Variants in WWOX observed in about 807,000 individuals in gnomAD.
The protein encoded by WWOX is WW domain containing oxidoreductase.
In WWOX, 69 loss-of-function variants were observed where a neutral mutation model predicts 46.2. The observed-to-expected ratio is 1.49, with a 90% confidence interval of 1.23 to 1.82. WWOX has a LOEUF of 1.82. Ranked by LOEUF, WWOX falls within the 40% of genes most tolerant of loss-of-function variation. WWOX has a pLI of 0.00. For missense variants in WWOX, 919 were observed against 542.6 expected (o/e 1.69, Z -6.89); for synonymous variants, 359 against 202.6 (o/e 1.77, Z -6.56).
chr16:78,309,550 G>A (rs1255816755), intron 5 of WWOX, among the ~76,000 whole-genome samples: 1 of 152,120 alleles, frequency 6.6e-6, no homozygotes, highest in African/African-American at 2.4e-5. Context: ...ATAGAAGTGT[G>A]CCTGTAACTT....
At chr16:78,628,609 T>A (rs1172889281) in intron 8 of WWOX, among the ~76,000 whole-genome samples, 2 of 151,842 alleles carry the variant, frequency 1.3e-5, no homozygotes, top group Non-Finnish European at 2.9e-5. Context: ...TGTTGATGGA[T>A]TTATTCCAGC....
intron 8 of WWOX, among the ~76,000 whole-genome samples, chr16:79,151,371 G>A (rs1462928643): frequency 2.6e-5 from 4 of 152,172 alleles, no homozygotes; most frequent in South Asian, 2.1e-4. Flanking sequence ...CCCCAAATCC[G>A]TAGGCTCTTA....
intron 8 of WWOX, among the ~76,000 whole-genome samples, chr16:78,960,156 C>G (rs79337373): frequency 0.037 from 5,671 of 152,192 alleles, 363 homozygotes; most frequent in African/African-American, 0.13. Flanking sequence ...GGAAGAACAG[C>G]TAATTCCAGA....
intron 8 of WWOX, among the ~76,000 whole-genome samples, chr16:78,831,247 T>G (rs68020681): frequency 0.1 from 15,883 of 152,182 alleles, 843 homozygotes; most frequent in South Asian, 0.14. Flanking sequence ...TTTCCCCCTT[T>G]ATAAGCTGTG....
chr16:78,893,913 T>C (rs2044644645), intron 8 of WWOX, among the ~76,000 whole-genome samples: 1 of 152,140 alleles, frequency 6.6e-6, no homozygotes, highest in African/African-American at 2.4e-5. Flanking sequence ...TGATATGCAA[T>C]ATTTTCCTTG....
intron 5 of WWOX, among the ~76,000 whole-genome samples, chr16:78,199,140 C>T (rs910243408): frequency 6.6e-6 from 1 of 152,072 alleles, no homozygotes; most frequent in South Asian, 2.1e-4. Context: ...GGTGAAACCC[C>T]GTTTCTACTA....
At position 78,319,820 on chromosome 16, in the gene WWOX, C is replaced by T. The variant is rs372116483; in HGVS notation, c.517-67040C>T. The stretch of plus-strand genomic sequence containing the variant: ...CACCCTCCGCCCTTAGCCTTTCTTT[C>T]AGCCTGTGAGGAAGCAAAACTTTTA... On this transcript the variant is annotated intron_variant, in intron 5 of 8. Transcript: ENST00000566780. 4.6e-5 allele frequency among the ~76,000 whole-genome samples: 7 copies of T among 152,300 alleles called. No homozygotes were observed. In the South Asian group the frequency reaches 8.3e-4, roughly 18 times the overall value.
chr16:78,792,548 C>G (rs1567562920), intron 8 of WWOX, among the ~76,000 whole-genome samples: 1 of 152,084 alleles, frequency 6.6e-6, no homozygotes, highest in Non-Finnish European at 1.5e-5. Context: ...TTCGTAAAAA[C>G]TTAGGGCCAT....
chr16:78,908,742 G>A lies in WWOX; in HGVS notation c.1057-302866G>A, dbSNP rs112014749. ...GGAGTTGAAGCTGGCCTCTTGCACT[G>A]AGTCAGTTCCTGGGTGGGAGCCACA... On this transcript the variant is annotated intron_variant, in intron 8 of 8. Transcript: ENST00000566780. 2.0e-3 allele frequency among the ~76,000 whole-genome samples: 312 copies of A among 152,256 alleles called. 2 individuals carry two copies. Among genetic ancestry groups the A allele is most frequent in the African/African-American group, 7.0e-3 (292 of 41,542 alleles).
At chr16:79,044,623 G>A (rs2048032782) in intron 8 of WWOX, among the ~76,000 whole-genome samples, 1 of 152,158 alleles carries the variant, frequency 6.6e-6, no homozygotes, top group Admixed American at 6.5e-5. Context: ...TACAGCCTGT[G>A]GAACTATGAG....
rs1245889719 is a variant in WWOX at position 78,740,978 on chromosome 16, C to G, written c.1056+308226C>G. ...GAGAACTGTGCAAATACAAGCCCTT[C>G]TCTTACAGGCCATGGGTCTCCTAAG... is the stretch of plus-strand genomic sequence containing the variant. On this transcript the variant is annotated intron_variant, in intron 8 of 8. Coordinates refer to ENST00000566780, the MANE Select transcript of WWOX (RefSeq NM_016373.4). 9.2e-5 allele frequency among the ~76,000 whole-genome samples: 14 copies of G among 152,278 alleles called. No individual in the cohort carries two copies. In the East Asian group the frequency reaches 2.5e-3, roughly 27 times the overall value.
chr16:78,572,827 G>A (rs1363465694), intron 8 of WWOX, among the ~76,000 whole-genome samples: 2 of 152,008 alleles, frequency 1.3e-5, no homozygotes, highest in Non-Finnish European at 2.9e-5. Flanking sequence ...CATGGCGAGA[G>A]ATACACAGGG....
chr16:78,958,531 T>A (rs369201276), intron 8 of WWOX, among the ~76,000 whole-genome samples: 1 of 152,230 alleles, frequency 6.6e-6, no homozygotes, highest in Admixed American at 6.5e-5. Flanking sequence ...TTTTGCCAAT[T>A]TGGGAAGTTA....
chr16:78,468,578 G>A (rs541872820), intron 8 of WWOX, among the ~76,000 whole-genome samples: 1 of 152,090 alleles, frequency 6.6e-6, no homozygotes, highest in Non-Finnish European at 1.5e-5. Flanking sequence ...TAGTTACAGG[G>A]AGTGCTAGGG....
Position 78,464,979 on chromosome 16 carries a change from A to C in WWOX, c.1056+32227A>C, listed in dbSNP as rs552563613. On this transcript the variant is annotated intron_variant, in intron 8 of 8. Transcript: ENST00000566780. ...GCCTCAAAATTATGGCAGAAGGCAA[A>C]GGAGGAGCAAAGGCACATCTTACAT... is the stretch of plus-strand genomic sequence containing the variant. 2.0e-5 allele frequency among the ~76,000 whole-genome samples: 3 copies of C among 152,324 alleles called. No individual in the cohort carries two copies. In the South Asian group the frequency reaches 6.2e-4, roughly 32 times the overall value.
At chr16:78,429,217 G>A (rs1302239103) in intron 7 of WWOX, among the ~76,000 whole-genome samples, 18 of 152,286 alleles carry the variant, frequency 1.2e-4, no homozygotes, top group Non-Finnish European at 4.4e-5. Flanking sequence ...GATGACAGAG[G>A]AGCAATGTAC....
chr16:78,740,291 G>A (rs114826392), intron 8 of WWOX, among the ~76,000 whole-genome samples: 1,672 of 152,294 alleles, frequency 0.011, 35 homozygotes, highest in African/African-American at 0.038. Context: ...ACTGTCCTCT[G>A]TGCTTCTAAG....
intron 8 of WWOX, among the ~76,000 whole-genome samples, chr16:78,683,411 G>A (rs2047777133): frequency 6.6e-6 from 1 of 151,798 alleles, no homozygotes; most frequent in Non-Finnish European, 1.5e-5. Context: ...GTGGTGGTGT[G>A]TGCCTGTAAT....
intron 8 of WWOX, among the ~76,000 whole-genome samples, chr16:78,773,746 C>T (rs1199616995): frequency 1.3e-5 from 2 of 152,130 alleles, no homozygotes; most frequent in Non-Finnish European, 1.5e-5. Context: ...GGAAGGTGGG[C>T]AGGAGGCGAC....
Sources: allele counts gnomAD v4.1 joint callset (sites outside exome capture counted in the v4.1 genomes callset), GRCh38; gene constraint gnomAD v4.1.1; transcripts MANE v1.5; gene names NCBI Gene and HGNC (gene_info 2026-07-23, HGNC 2026-07-21).